The following NCDN variants were observed in gnomAD, a reference collection of about 807,000 sequenced individuals.
The protein encoded by NCDN is norbin.
Under a neutral mutation model 60.7 loss-of-function variants are expected in NCDN, and 9 were observed. The ratio of observed to expected loss-of-function variants is 0.15; its 90% CI spans 0.09 to 0.26. The LOEUF (loss-of-function observed/expected upper bound fraction) is 0.26, where lower values mean the gene tolerates loss of function less well. Among genes scored for constraint, NCDN ranks in the 10% least tolerant of loss-of-function variants. The probability of loss-of-function intolerance (pLI) is 1.00; values close to 1 mark genes in which losing one functional copy is unlikely to be tolerated. For synonymous variants in NCDN, 409 were observed against 442.5 expected, an observed-to-expected ratio of 0.92 and a Z score of 0.95; for missense variants, 578 against 975.2, an observed-to-expected ratio of 0.59 and a Z score of 5.42.
chr1:35,559,608 G>C (rs1648630334), intron 2 of NCDN, among the ~76,000 whole-genome samples: 1 of 152,108 alleles, frequency 6.6e-6, no homozygotes, highest in East Asian at 1.9e-4. Context: ...GCTGGAAGTG[G>C]CTGGGGAGGG....
Position 35,565,675 on chromosome 1 carries a change from CG to C in NCDN, c.*16del. On this transcript the variant is annotated 3_prime_UTR_variant, in exon 7 of 7. Transcript: ENST00000373243. The surrounding 1 kb of genome is among the most constrained non-coding windows in gnomAD (Gnocchi z 8.9). ...TGTCAGAGCCCTGAGGGGTGTCCAC[CG>C]GGGACAGACCCAGGGGCGGGCAGAG... is the stretch of plus-strand genomic sequence containing the variant. The C allele has an allele frequency of 6.5e-7, 1 of 1,538,310 alleles. No homozygotes were observed.
At position 35,560,346 on chromosome 1, in the gene NCDN, A is replaced by C; in HGVS notation, c.195A>C (p.Ala65=). ...TATAGGTGACCAAGGCAGTCAAAGC[A>C]GGTGACATAGATGCCAAAACTCGGC... ...ALLLVTKAVK[A]GDIDAKTRRR... The change falls in exon 3 of 7, where the codon GCA becomes GCC. Residue 65 remains alanine (A), a synonymous_variant. Transcript: ENST00000373243. This position sits in a 1 kb window ranked among gnomAD's most constrained non-coding sequence, Gnocchi z 7.6. 1 of 1,613,790 alleles carries C rather than the reference A, an allele frequency of 6.2e-7. No homozygotes were observed. Among genetic ancestry groups the C allele is most frequent in the Non-Finnish European group, 8.5e-7 (1 of 1,180,024 alleles).
chr1:35,560,509 C>A lies in NCDN; in HGVS notation c.358C>A (p.Leu120Met). ...LLACFCSDPE[L>M]AAHPQVLNKI... is the part of the protein sequence containing the mutation. ...GGCCTGCTTCTGCAGTGACCCTGAA[C>A]TGGCCGCCCATCCCCAAGTCCTGAA... is the stretch of plus-strand genomic sequence containing the variant. The change falls in exon 3 of 7, where the codon CTG becomes ATG. Residue 120 changes from leucine (L) to methionine (M), a missense_variant. Leu to Met is a conservative substitution (Grantham distance 15). Transcript: ENST00000373243. The surrounding 1 kb of genome is among the most constrained non-coding windows in gnomAD (Gnocchi z 7.6). 1 of 1,614,004 alleles carries A rather than the reference C, an allele frequency of 6.2e-7. No individual in the cohort carries two copies. Among genetic ancestry groups the A allele is most frequent in the Non-Finnish European group, 8.5e-7 (1 of 1,180,046 alleles).
chr1:35,560,355 A>G lies in NCDN; in HGVS notation c.204A>G (p.Ile68Met). The change falls in exon 3 of 7, where the codon ATA becomes ATG. Residue 68 changes from isoleucine to methionine, a missense_variant. This residue lies in a region of NCDN where 363 missense variants were observed against 583.6 expected (regional missense o/e 0.62). Transcript: ENST00000373243. The surrounding 1 kb of genome is among the most constrained non-coding windows in gnomAD (Gnocchi z 7.6). ...LVTKAVKAGD[I>M]DAKTRRRIFD... ...CCAAGGCAGTCAAAGCAGGTGACAT[A>G]GATGCCAAAACTCGGCGGCGGATCT... The G allele has an allele frequency of 6.2e-7, 1 of 1,613,892 alleles. No homozygotes were observed. The highest frequency in any genetic ancestry group is 8.5e-7 in the Non-Finnish European group (1 of 1,180,018).
chr1:35,561,323 C>T lies in NCDN; in HGVS notation c.1143+29C>T, dbSNP rs1648698195. On this transcript the variant is annotated intron_variant, in intron 3 of 6. Coordinates refer to ENST00000373243, the MANE Select transcript of NCDN (RefSeq NM_014284.3). The surrounding 1 kb of genome is among the most constrained non-coding windows in gnomAD (Gnocchi z 4.9). ...AGGGTGCAGTGACCCACAGAGGGGG[C>T]CCAGTATGGGGGGAGCCAGTGCTGG... The T allele has an allele frequency of 1.3e-6, 2 of 1,549,588 alleles. No individual in the cohort carries two copies. The highest frequency in any genetic ancestry group is 1.7e-6 in the Non-Finnish European group (2 of 1,152,778).
chr1:35,560,266 A>G lies in NCDN; in HGVS notation c.175-60A>G. On this transcript the variant is annotated intron_variant, in intron 2 of 6. Coordinates refer to ENST00000373243, the MANE Select transcript of NCDN (RefSeq NM_014284.3). The surrounding 1 kb of genome is among the most constrained non-coding windows in gnomAD (Gnocchi z 7.6). ...AGTCCTCAGTGCCCCAGGATGCAGG[A>G]GAGGGACAGTCTTTCCCACTTCTTC... The G allele has an allele frequency of 6.4e-7, 1 of 1,560,970 alleles. No individual in the cohort carries two copies. Among genetic ancestry groups the G allele is most frequent in the Non-Finnish European group, 8.7e-7 (1 of 1,153,620 alleles).
In NCDN at chr1:35,561,150, G is replaced by A. The variant is rs1224306430; in HGVS notation, c.999G>A (p.Val333=). Residue 333 remains valine (V), a synonymous_variant, in exon 3 of 7, where the codon GTG becomes GTA. Transcript: ENST00000373243. The surrounding 1 kb of genome is among the most constrained non-coding windows in gnomAD (Gnocchi z 4.9). The stretch of plus-strand genomic sequence containing the variant: ...CGGGCACGGAGGTGAAAGAGGATGT[G>A]GTGACCGCCTGCTATGCCCTCATGG... The part of the protein sequence containing the change: ...EETGTEVKED[V]VTACYALMEL... The A allele has an allele frequency of 6.2e-7, 1 of 1,610,034 alleles. No individual in the cohort carries two copies. The highest frequency in any genetic ancestry group is 1.3e-5 in the African/African-American group (1 of 74,906).
In NCDN at chr1:35,561,317, A is replaced by C; in HGVS notation, c.1143+23A>C. ...CAGGTGAGGGTGCAGTGACCCACAGAGGGGGCCCAGTATGGGGGGAGCCAG... is the reference window on the plus strand; with the variant it reads ...CAGGTGAGGGTGCAGTGACCCACAGCGGGGGCCCAGTATGGGGGGAGCCAG... On this transcript the variant is annotated intron_variant, in intron 3 of 6. Transcript: ENST00000373243. This position sits in a 1 kb window ranked among gnomAD's most constrained non-coding sequence, Gnocchi z 4.9. 6.4e-7 allele frequency: 1 copy of C among 1,554,994 alleles called. No individual in the cohort carries two copies. The highest frequency in any genetic ancestry group is 8.7e-7 in the Non-Finnish European group (1 of 1,155,162).
In NCDN at chr1:35,557,832, C is replaced by T. The variant is rs924302522; in HGVS notation, c.-359C>T. 1.8e-6 allele frequency: 1 copy of T among 548,784 alleles called. No homozygotes were observed. The highest frequency in any genetic ancestry group is 3.5e-6 in the Non-Finnish European group (1 of 287,990). 34.0% of individuals were successfully genotyped at this position (548,784 alleles called of 1,614,324 possible). A position where few individuals can be genotyped will look rare whatever the true frequency, so the allele number is the denominator to read the frequency against. ...ACGCGGCGTGAGCAGCGGCCCGAGG[C>T]TCCCGGAGCATCGCGCTGGGAGAAG... On this transcript the variant is annotated 5_prime_UTR_variant, in exon 1 of 7. Coordinates refer to ENST00000373243, the MANE Select transcript of NCDN (RefSeq NM_014284.3).
rs953688468 is a variant in NCDN, at chr1:35,557,837, G to A, written c.-354G>A. The A allele has an allele frequency of 1.4e-5, 8 of 554,856 alleles. No homozygotes were observed. Among genetic ancestry groups the A allele is most frequent in the Non-Finnish European group, 2.7e-5 (8 of 292,046 alleles). 34.4% of individuals were successfully genotyped at this position (554,856 alleles called of 1,614,324 possible). A position where few individuals can be genotyped will look rare whatever the true frequency, so the allele number is the denominator to read the frequency against. On this transcript the variant is annotated 5_prime_UTR_variant, in exon 1 of 7. Transcript: ENST00000373243. ...GCGTGAGCAGCGGCCCGAGGCTCCC[G>A]GAGCATCGCGCTGGGAGAAGACTTC...
At position 35,561,938 on chromosome 1, in the gene NCDN, A is replaced by G. The variant is rs566988069; in HGVS notation, c.1144-454A>G. Among the ~76,000 whole-genome samples the G allele has an allele frequency of 6.6e-6, 1 of 152,244 alleles. No homozygotes were observed. Among genetic ancestry groups the G allele is most frequent in the South Asian group, 2.1e-4 (1 of 4,828 alleles). ...TCTTTTTTCTGACTTAGCACAAAAG[A>G]GAGCATCCCCTCACTCCCACCATTG... On this transcript the variant is annotated intron_variant, in intron 3 of 6. Coordinates refer to ENST00000373243, the MANE Select transcript of NCDN (RefSeq NM_014284.3). The surrounding 1 kb of genome is among the most constrained non-coding windows in gnomAD (Gnocchi z 4.9).
At position 35,563,738 on chromosome 1, in the gene NCDN, C is replaced by G; in HGVS notation, c.1611-29C>G. On this transcript the variant is annotated intron_variant, in intron 5 of 6. Transcript: ENST00000373243. This position sits in a 1 kb window ranked among gnomAD's most constrained non-coding sequence, Gnocchi z 6.6. ...TTTGGCTGTACTAGACCCCCACCTACCTCCATCCTTCCCCCCTTTCTTTTC... is the reference window on the plus strand; with the variant it reads ...TTTGGCTGTACTAGACCCCCACCTAGCTCCATCCTTCCCCCCTTTCTTTTC... The G allele has an allele frequency of 6.2e-7, 1 of 1,611,398 alleles. No individual in the cohort carries two copies. Among genetic ancestry groups the G allele is most frequent in the Non-Finnish European group, 8.5e-7 (1 of 1,178,482 alleles).
intron 6 of NCDN, among the ~76,000 whole-genome samples, chr1:35,564,539 C>T (rs1294023079): frequency 2.6e-5 from 4 of 152,222 alleles, no homozygotes; most frequent in Middle Eastern, 3.2e-3. Flanking sequence ...GTAACATGCC[C>T]GTACCTTCCA....
Position 35,557,805 on chromosome 1 carries a change from C to A in NCDN, c.-386C>A. 1 of 516,252 alleles carries A rather than the reference C, an allele frequency of 1.9e-6. No individual in the cohort carries two copies. The highest frequency in any genetic ancestry group is 3.8e-6 in the Non-Finnish European group (1 of 266,586). The allele number at this position is 516,252 out of a possible 1,614,324, so 32.0% of individuals were successfully genotyped here. On this transcript the variant is annotated 5_prime_UTR_variant, in exon 1 of 7. Transcript: ENST00000373243. The stretch of plus-strand genomic sequence containing the variant: ...GCAGCAGCCTGGAGCCAGGAGTGGG[C>A]AACGCGGCGTGAGCAGCGGCCCGAG...
Position 35,562,439 on chromosome 1 carries a change from G to T in NCDN, c.1191G>T (p.Arg397=), listed in dbSNP as rs757753873. 2 of 1,614,194 alleles carry T rather than the reference G, an allele frequency of 1.2e-6. No individual in the cohort carries two copies. Among genetic ancestry groups the T allele is most frequent in the Non-Finnish European group, 1.7e-6 (2 of 1,180,020 alleles). The change falls in exon 4 of 7, where the codon CGG becomes CGT. Residue 397 remains arginine (R), a synonymous_variant. Coordinates refer to ENST00000373243, the MANE Select transcript of NCDN (RefSeq NM_014284.3). The surrounding 1 kb of genome is among the most constrained non-coding windows in gnomAD (Gnocchi z 6.8). ...AGCCCTTTGTGTTTGCCTCGGTGCG[G>T]ATCCTGGGTGCCTGGCTGGCCGAGG... The part of the protein sequence containing the change: ...QKEPFVFASV[R]ILGAWLAEET...
In NCDN at chr1:35,561,059, G is replaced by A; in HGVS notation, c.908G>A (p.Gly303Glu). Reference protein sequence around the residue: ...GSDWIPAGSSGSKFLALLVNL... With the variant: ...GSDWIPAGSSESKFLALLVNL... Reference sequence around the variant, plus strand: ...GACTGGATCCCGGCGGGCAGCTCCGGGAGCAAGTTCCTGGCCCTGCTGGTG... The same window carrying A: ...GACTGGATCCCGGCGGGCAGCTCCGAGAGCAAGTTCCTGGCCCTGCTGGTG... Residue 303 changes from glycine to glutamate, a missense_variant, in exon 3 of 7, where the codon GGG becomes GAG. By Grantham distance (98) the Gly-to-Glu change is moderately conservative (BLOSUM62 -2). Around this residue, in one of 3 missense-constraint regions of NCDN, gnomAD observed 363 missense variants for 583.6 expected, o/e 0.62. Coordinates refer to ENST00000373243, the MANE Select transcript of NCDN (RefSeq NM_014284.3). The surrounding 1 kb of genome is among the most constrained non-coding windows in gnomAD (Gnocchi z 4.9). 1 of 1,613,142 alleles carries A rather than the reference G, an allele frequency of 6.2e-7. No individual in the cohort carries two copies. Among genetic ancestry groups the A allele is most frequent in the Non-Finnish European group, 8.5e-7 (1 of 1,179,450 alleles).
In NCDN at chr1:35,557,987, A is replaced by G; in HGVS notation, c.-204A>G. ...ACCCCGGGGACCCTATCGCGACTCC[A>G]TCGCGCCATATCGCGACACCATCGT... On this transcript the variant is annotated 5_prime_UTR_variant, in exon 1 of 7. Coordinates refer to ENST00000373243, the MANE Select transcript of NCDN (RefSeq NM_014284.3). 2 of 771,624 alleles carry G rather than the reference A, an allele frequency of 2.6e-6. No homozygotes were observed. The highest frequency in any genetic ancestry group is 4.1e-6 in the Non-Finnish European group (2 of 487,100). 47.8% of individuals were successfully genotyped at this position (771,624 alleles called of 1,614,324 possible). A position where few individuals can be genotyped will look rare whatever the true frequency, so the allele number is the denominator to read the frequency against.
At position 35,561,472 on chromosome 1, in the gene NCDN, C is replaced by T. The variant is rs1648704068; in HGVS notation, c.1143+178C>T. ...GCCCAACCTCCCTCTCTCTCCCTCC[C>T]TCCACACAAGCACCATACCACACAC... On this transcript the variant is annotated intron_variant, in intron 3 of 6. Coordinates refer to ENST00000373243, the MANE Select transcript of NCDN (RefSeq NM_014284.3). The surrounding 1 kb of genome is among the most constrained non-coding windows in gnomAD (Gnocchi z 4.9). Among the ~76,000 whole-genome samples the T allele has an allele frequency of 6.6e-6, 1 of 151,956 alleles. No individual in the cohort carries two copies. The highest frequency in any genetic ancestry group is 1.5e-5 in the Non-Finnish European group (1 of 67,958).
chr1:35,558,297 T>G lies in NCDN; in HGVS notation c.33+74T>G. On this transcript the variant is annotated intron_variant, in intron 1 of 6. Coordinates refer to ENST00000373243, the MANE Select transcript of NCDN (RefSeq NM_014284.3). The surrounding 1 kb of genome is among the most constrained non-coding windows in gnomAD (Gnocchi z 6.3). ...CAGCCCTGCTTCGATTATCCGGCTT[T>G]TGGATTCTCCGTTGTCCTGGGAACT... The G allele has an allele frequency of 6.2e-7, 1 of 1,604,496 alleles. No homozygotes were observed. The highest frequency in any genetic ancestry group is 8.5e-7 in the Non-Finnish European group (1 of 1,173,472).
Sources: allele counts gnomAD v4.1 joint callset (sites outside exome capture counted in the v4.1 genomes callset), GRCh38; gene constraint gnomAD v4.1.1; regional missense constraint gnomAD v4.1.1; non-coding constraint Gnocchi (gnomAD v3.1); transcripts MANE v1.5; gene names NCBI Gene and HGNC (gene_info 2026-07-23, HGNC 2026-07-21).